The following RAB27B variants were observed in gnomAD, a reference collection of about 807,000 sequenced individuals.
The protein encoded by RAB27B is RAB27B, member RAS oncogene family.
A neutral mutation model predicts 24.6 loss-of-function variants in RAB27B; 15 were observed. That is an observed-to-expected ratio of 0.61 (90% CI 0.41 to 0.94). RAB27B has a LOEUF of 0.94. Ranked by LOEUF, RAB27B falls within the 40% of genes least tolerant of loss-of-function variation. The pLI, the probability that RAB27B is intolerant of heterozygous loss-of-function variation, is 0.00. For missense variants in RAB27B, 261 were observed against 266.8 expected (o/e 0.98, Z 0.15); for synonymous variants, 105 against 92.5 (o/e 1.14, Z -0.78).
chr18:54,823,928 C>T (rs1423194125), upstream of RAB27B, among the ~76,000 whole-genome samples: 3 of 152,158 alleles, frequency 2.0e-5, no homozygotes. Flanking sequence ...CAGATCGCCT[C>T]CTAAGCCCTG....
chr18:54,845,074 A>G (rs1911275685), intron 1 of RAB27B, among the ~76,000 whole-genome samples: 1 of 152,140 alleles, frequency 6.6e-6, no homozygotes, highest in Non-Finnish European at 1.5e-5. Context: ...CACAATGCCC[A>G]CTCACATGGC....
intron 2 of RAB27B, among the ~76,000 whole-genome samples, chr18:54,745,979 G>A (rs973299607): frequency 2.0e-5 from 3 of 151,404 alleles, no homozygotes; most frequent in Admixed American, 6.6e-5. Context: ...ATACAGCGAT[G>A]CCAATCACAG....
intron 3 of RAB27B, among the ~76,000 whole-genome samples, chr18:54,882,368 G>T (rs11663441): frequency 0.25 from 38,173 of 152,022 alleles, 5,047 homozygotes; most frequent in South Asian, 0.37. Flanking sequence ...AAATATGATG[G>T]ATAGCAAGTT....
rs1365902063 is a variant in RAB27B at position 54,891,342 on chromosome 18, G to A, written c.*1929G>A. 1.3e-5 allele frequency: 2 copies of A among 151,132 alleles called. No homozygotes were observed. Among genetic ancestry groups the A allele is most frequent in the Non-Finnish European group, 2.9e-5 (2 of 68,016 alleles). 9.4% of individuals were successfully genotyped at this position (151,132 alleles called of 1,614,324 possible). On this transcript the variant is annotated 3_prime_UTR_variant, in exon 6 of 6. Transcript: ENST00000262094. Reference sequence around the variant, plus strand: ...TAACTGGCCAGCTCCTCTGATTTCTGCAGCATCGCAACAGGTTCGAAGATG... The same window carrying A: ...TAACTGGCCAGCTCCTCTGATTTCTACAGCATCGCAACAGGTTCGAAGATG...
chr18:54,780,798 T>C (rs914092578), intron 2 of RAB27B, among the ~76,000 whole-genome samples: 4 of 152,140 alleles, frequency 2.6e-5, no homozygotes, highest in African/African-American at 9.7e-5. Context: ...AGTGATCTGT[T>C]TCAACAAATT....
chr18:54,721,773 T>C (rs1674781762), intron 2 of RAB27B, among the ~76,000 whole-genome samples: 2 of 152,144 alleles, frequency 1.3e-5, no homozygotes, highest in African/African-American at 2.4e-5. Context: ...AACTGGAAAA[T>C]TAAAAGAGGA....
chr18:54,720,620 A>G (rs1030081607), intron 2 of RAB27B, among the ~76,000 whole-genome samples: 1 of 152,090 alleles, frequency 6.6e-6, no homozygotes, highest in Non-Finnish European at 1.5e-5. Flanking sequence ...AAATTATTCT[A>G]GTATTGCAGT....
chr18:54,856,338 G>A (rs947896786), intron 1 of RAB27B, among the ~76,000 whole-genome samples: 2 of 152,192 alleles, frequency 1.3e-5, no homozygotes, highest in Admixed American at 1.3e-4. Flanking sequence ...TAACAAAGAG[G>A]GCAAAGAGTA....
At chr18:54,745,864 A>AT (rs1910226996) in intron 2 of RAB27B, among the ~76,000 whole-genome samples, 1 of 147,326 alleles carries the variant, frequency 6.8e-6, no homozygotes, top group Admixed American at 6.8e-5. Context: ...AATATTTAAT[A>AT]AAATAAATAT....
intron 2 of RAB27B, among the ~76,000 whole-genome samples, chr18:54,734,388 C>T (rs1568046185): frequency 6.6e-6 from 1 of 152,094 alleles, no homozygotes; most frequent in Non-Finnish European, 1.5e-5. Context: ...GTCTTTTGTG[C>T]CAGACACCAA....
intron 2 of RAB27B, among the ~76,000 whole-genome samples, chr18:54,775,637 C>T (rs1392708728): frequency 2.0e-5 from 3 of 152,170 alleles, no homozygotes; most frequent in Non-Finnish European, 4.4e-5. Flanking sequence ...TGCAATCTAA[C>T]TTTGTCTATC....
intron 3 of RAB27B, among the ~76,000 whole-genome samples, chr18:54,883,233 A>G (rs1320408483): frequency 6.6e-6 from 1 of 152,156 alleles, no homozygotes; most frequent in Non-Finnish European, 1.5e-5. Context: ...AAAGGCAGGG[A>G]ACATCTGGAT....
At chr18:54,832,831 G>T (rs1910738544) in intron 1 of RAB27B, among the ~76,000 whole-genome samples, 1 of 152,154 alleles carries the variant, frequency 6.6e-6, no homozygotes, top group East Asian at 1.9e-4. Flanking sequence ...GCATGTGGCG[G>T]TGTGGAATCA....
chr18:54,800,385 T>C (rs941871733), intron 2 of RAB27B, among the ~76,000 whole-genome samples: 5 of 152,266 alleles, frequency 3.3e-5, no homozygotes, highest in Admixed American at 2.6e-4. Context: ...TTTAATGTGA[T>C]TCAAAGCCTA....
chr18:54,748,103 T>C (rs1182731994), intron 2 of RAB27B, among the ~76,000 whole-genome samples: 1 of 152,056 alleles, frequency 6.6e-6, no homozygotes, highest in African/African-American at 2.4e-5. Flanking sequence ...TGAGACCTTG[T>C]CTCAAAAACA....
At position 54,867,188 on chromosome 18, in the gene RAB27B, G is replaced by A. The variant is rs377036074; in HGVS notation, c.-19-10379G>A. 4.6e-5 allele frequency among the ~76,000 whole-genome samples: 7 copies of A among 152,238 alleles called. No homozygotes were observed. In the East Asian group the frequency reaches 1.2e-3, roughly 25 times the overall value. On this transcript the variant is annotated intron_variant, in intron 1 of 5. Coordinates refer to ENST00000262094, the MANE Select transcript of RAB27B (RefSeq NM_004163.4). ...AAAAATGAGTTTTTGGTTAAAATAA[G>A]TGTTTTATTAAAATAAAAGTGGGAG... is the stretch of plus-strand genomic sequence containing the variant.
rs552584950 is a variant in RAB27B, at chr18:54,749,349, C to T, written c.-20+31208C>T. On this transcript the variant is annotated intron_variant, in intron 2 of 4. Transcript: ENST00000586570. ...TTTTCAAAGCACTCGCATGCTGAAA[C>T]GCCAGGTTTTGGAGAATCATTTTCT... Among the ~76,000 whole-genome samples, 9 of 152,222 alleles carry T rather than the reference C, an allele frequency of 5.9e-5. No individual in the cohort carries two copies. In the South Asian group the frequency reaches 6.2e-4, roughly 11 times the overall value.
intron 2 of RAB27B, 79 bp downstream of exon 2, chr18:54,877,817 A>G (rs1912768613): frequency 1.4e-6 from 2 of 1,395,424 alleles, no homozygotes. Context: ...TGTTTATTGC[A>G]TTGGAGTCTG....
intron 1 of RAB27B, among the ~76,000 whole-genome samples, chr18:54,846,042 T>C (rs2145209104): frequency 6.6e-6 from 1 of 152,344 alleles, no homozygotes; most frequent in Non-Finnish European, 1.5e-5. Flanking sequence ...TCATGATTTA[T>C]TTAATGTTTT....
Sources: gnomAD v4.1 joint callset for allele counts (sites outside exome capture counted in the v4.1 genomes callset) on GRCh38, gnomAD v4.1.1 for gene constraint, MANE v1.5 for transcripts, NCBI Gene and HGNC (gene_info 2026-07-23, HGNC 2026-07-21) for gene names.